Variants in CDH23 observed in about 807,000 individuals in gnomAD.
The protein encoded by CDH23 is cadherin related 23.
CDH23 carries 189 observed loss-of-function variants against 317.1 expected under a neutral mutation model. The observed-to-expected ratio is 0.60, with a 90% confidence interval of 0.53 to 0.67. CDH23 has a LOEUF of 0.67. Among genes scored for constraint, CDH23 ranks in the 30% least tolerant of loss-of-function variants. The pLI, the probability that CDH23 is intolerant of heterozygous loss-of-function variation, is 0.00. For synonymous variants in CDH23, 1,839 were observed against 1,876.8 expected, an observed-to-expected ratio of 0.98 and a Z score of 0.52; for missense variants, 4,401 against 4,592.4, an observed-to-expected ratio of 0.96 and a Z score of 1.20.
In CDH23 at chr10:71,550,324, C is replaced by G. The variant is rs376801669; in HGVS notation, c.430-16418C>G. On this transcript the variant is annotated intron_variant, in intron 6 of 69. Coordinates refer to ENST00000224721, the MANE Select transcript of CDH23 (RefSeq NM_022124.6). The stretch of plus-strand genomic sequence containing the variant: ...CCAGTGACTTGGCAGGCTGAGGAGT[C>G]GGGGATCGCTTGAGGCCAAGAGTTT... 3.0e-4 allele frequency among the ~76,000 whole-genome samples: 45 copies of G among 151,966 alleles called. No individual in the cohort carries two copies. The South Asian group carries it at 8.9e-3, about 30-fold the overall frequency.
At chr10:71,501,511 G>T (rs1004683201) in intron 3 of CDH23, among the ~76,000 whole-genome samples, 1 of 152,170 alleles carries the variant, frequency 6.6e-6, no homozygotes, top group Non-Finnish European at 1.5e-5. Flanking sequence ...GGAGAGAACC[G>T]GCCAGTGTCA....
At chr10:71,578,236 G>A (rs1472623673) in intron 9 of CDH23, among the ~76,000 whole-genome samples, 3 of 146,970 alleles carry the variant, frequency 2.0e-5, no homozygotes, top group Admixed American at 7.0e-5. Flanking sequence ...GGGCTGCTTG[G>A]TGGGCACTGG....
chr10:71,813,625 G>A (rs567171351), intron 69 of CDH23, among the ~76,000 whole-genome samples: 19 of 152,288 alleles, frequency 1.2e-4, no homozygotes, highest in African/African-American at 1.7e-4. Context: ...TAAGAAACCC[G>A]GCTGGGTGCG....
chr10:71,444,881 A>T (rs1001421692), intron 2 of CDH23, among the ~76,000 whole-genome samples: 1 of 152,206 alleles, frequency 6.6e-6, no homozygotes, highest in African/African-American at 2.4e-5. Context: ...CAGGTGCTGC[A>T]CAATGACAGT....
intron 1 of CDH23, among the ~76,000 whole-genome samples, chr10:71,410,253 T>C (rs1470048992): frequency 6.6e-6 from 1 of 152,208 alleles, no homozygotes; most frequent in Non-Finnish European, 1.5e-5. Context: ...TATGCTACTG[T>C]TATTCTCAGC....
At chr10:71,754,390 T>C (rs534533626) in intron 38 of CDH23, among the ~76,000 whole-genome samples, 28 of 151,952 alleles carry the variant, frequency 1.8e-4, no homozygotes, top group African/African-American at 6.0e-4. Flanking sequence ...CCACAGGAAA[T>C]AAGTTGCGAG....
At chr10:71,449,960 A>G (rs1850353384) in intron 3 of CDH23, among the ~76,000 whole-genome samples, 1 of 152,260 alleles carries the variant, frequency 6.6e-6, no homozygotes, top group Non-Finnish European at 1.5e-5. Context: ...AGAAGACAGA[A>G]GCCAAATGAA....
intron 1 of CDH23, among the ~76,000 whole-genome samples, chr10:71,432,385 G>A (rs1157569866): frequency 2.1e-5 from 3 of 141,248 alleles, no homozygotes; most frequent in Admixed American, 7.3e-5. Context: ...GAGAGTGTGT[G>A]AGTTGTGTGG....
chr10:71,617,622 G>T (rs1159584784), intron 11 of CDH23: 1 of 1,175,964 alleles, frequency 8.5e-7, no homozygotes, highest in South Asian at 1.6e-5. Context: ...CATATGTGTG[G>T]TTATTATTTA....
chr10:71,537,865 A>G (rs936154560), intron 6 of CDH23, among the ~76,000 whole-genome samples: 3 of 152,208 alleles, frequency 2.0e-5, no homozygotes, highest in African/African-American at 7.2e-5. Context: ...TTTCACAAAC[A>G]AAGAGACTGA....
intron 6 of CDH23, among the ~76,000 whole-genome samples, chr10:71,554,345 A>G (rs971310724): frequency 3.3e-4 from 49 of 148,272 alleles, no homozygotes; most frequent in Non-Finnish European, 4.3e-4. Flanking sequence ...CCACAGGTGC[A>G]CACCACCACA....
intron 1 of CDH23, among the ~76,000 whole-genome samples, chr10:71,403,420 C>T (rs1847922163): frequency 5.0e-5 from 3 of 60,266 alleles, no homozygotes; most frequent in Non-Finnish European, 8.4e-5. Flanking sequence ...TTCCTTCCTT[C>T]CTTCCTTCCT....
intron 3 of CDH23, among the ~76,000 whole-genome samples, chr10:71,483,066 C>T (rs570468427): frequency 7.0e-4 from 106 of 152,312 alleles, no homozygotes; most frequent in Non-Finnish European, 1.0e-3. Flanking sequence ...TTCAGTGGCC[C>T]GTCCTGGCGG....
chr10:71,808,046 CCT>C, intron 60 of CDH23, 39 bp downstream of exon 60: 1 of 1,558,112 alleles, frequency 6.4e-7, no homozygotes, highest in Non-Finnish European at 8.7e-7. Context: ...CTAGCCATGA[CCT>C]CTCAGTCACT....
intron 38 of CDH23, among the ~76,000 whole-genome samples, chr10:71,759,060 A>ATCAGCAGGC (rs1840222877): frequency 6.7e-6 from 1 of 148,266 alleles, no homozygotes; most frequent in African/African-American, 2.5e-5. Flanking sequence ...TTTTTTTGAG[A>ATCAGCAGGC]TGGAGTCTTG....
chr10:71,422,548 G>T (rs1564569961), intron 1 of CDH23, among the ~76,000 whole-genome samples: 1 of 152,192 alleles, frequency 6.6e-6, no homozygotes, highest in Non-Finnish European at 1.5e-5. Context: ...TCTGTGAAAT[G>T]AGCAGCATGC....
intron 11 of CDH23, among the ~76,000 whole-genome samples, chr10:71,632,296 C>T (rs759464889): frequency 1.5e-4 from 23 of 152,182 alleles, no homozygotes; most frequent in Non-Finnish European, 2.5e-4. Flanking sequence ...GCGTAATTTG[C>T]ACCCTCCTAT....
At chr10:71,728,576 C>CA (rs1291505530) in intron 30 of CDH23, among the ~76,000 whole-genome samples, 2 of 152,224 alleles carry the variant, frequency 1.3e-5, no homozygotes, top group Non-Finnish European at 1.5e-5. Flanking sequence ...GCCAGACACA[C>CA]ACGCCTCTGC....
intron 14 of CDH23, among the ~76,000 whole-genome samples, chr10:71,665,908 CAA>C (rs1863873194): frequency 6.6e-6 from 1 of 152,306 alleles, no homozygotes; most frequent in East Asian, 1.9e-4. Flanking sequence ...AACAGGATAG[CAA>C]AGATGCGTTA....
Sources: gnomAD v4.1 joint callset for allele counts (sites outside exome capture counted in the v4.1 genomes callset) on GRCh38, gnomAD v4.1.1 for gene constraint, MANE v1.5 for transcripts, NCBI Gene and HGNC (gene_info 2026-07-23, HGNC 2026-07-21) for gene names.